The following ARHGEF10L variants were observed in gnomAD, a reference collection of about 807,000 sequenced individuals.
ARHGEF10L encodes the protein Rho guanine nucleotide exchange factor 10 like.
Under a neutral mutation model 141.2 loss-of-function variants are expected in ARHGEF10L, and 69 were observed. The observed-to-expected ratio is 0.49, with a 90% confidence interval of 0.40 to 0.60. The LOEUF is 0.60. Ranked by LOEUF, ARHGEF10L falls within the 20% of genes least tolerant of loss-of-function variation. The pLI is 0.00. For synonymous variants in ARHGEF10L, 711 were observed against 718.5 expected (o/e 0.99, Z 0.17); for missense variants, 1,482 against 1,734.3 (o/e 0.85, Z 2.58).
At chr1:17,561,036 T>G (rs1024676740) in intron 1 of ARHGEF10L, among the ~76,000 whole-genome samples, 5 of 152,200 alleles carry the variant, frequency 3.3e-5, no homozygotes, top group Admixed American at 1.3e-4. Flanking sequence ...CTTGGGCAGG[T>G]GCCTTTGCCT....
Position 17,615,929 on chromosome 1 carries a change from C to T in ARHGEF10L, c.727-165C>T. On this transcript the variant is annotated intron_variant, in intron 8 of 28. Transcript: ENST00000361221. The surrounding 1 kb of genome is among the most constrained non-coding windows in gnomAD (Gnocchi z 4.7). ...AGGGAGATCCCCGGGCATGAACGCACCTTCTCACCCCCACTGTCGTCCTTG... is the reference window on the plus strand; with the variant it reads ...AGGGAGATCCCCGGGCATGAACGCATCTTCTCACCCCCACTGTCGTCCTTG... The T allele has an allele frequency of 1.6e-6, 1 of 628,696 alleles. No homozygotes were observed. Among genetic ancestry groups the T allele is most frequent in the South Asian group, 2.0e-5 (1 of 51,030 alleles). The allele number at this position is 628,696 out of a possible 1,614,324, so 38.9% of individuals were successfully genotyped here. A position where few individuals can be genotyped will look rare whatever the true frequency, so the allele number is the denominator to read the frequency against.
At chr1:17,563,812 T>C (rs1399375175) in intron 1 of ARHGEF10L, among the ~76,000 whole-genome samples, 4 of 152,108 alleles carry the variant, frequency 2.6e-5, no homozygotes, top group Non-Finnish European at 4.4e-5. Context: ...ACCCATCTAT[T>C]AGGATCCTCA....
chr1:17,562,707 C>T (rs985650602), intron 1 of ARHGEF10L, among the ~76,000 whole-genome samples: 3 of 152,188 alleles, frequency 2.0e-5, no homozygotes, highest in African/African-American at 4.8e-5. Context: ...GTGAGCTAGT[C>T]CCTGGTTGTG....
chr1:17,661,235 A>G (rs2062604961), intron 25 of ARHGEF10L, among the ~76,000 whole-genome samples: 1 of 151,784 alleles, frequency 6.6e-6, no homozygotes, highest in African/African-American at 2.4e-5. Context: ...ACACCACCAC[A>G]CCCAGCTAAT....
At chr1:17,531,426 A>G in the ARHGEF10L span, among the ~76,000 whole-genome samples, 1 of 152,152 alleles carries the variant, frequency 6.6e-6, no homozygotes, top group African/African-American at 2.4e-5. Flanking sequence ...TTGGGGGAAG[A>G]CTTGGGTAAG....
intron 27 of ARHGEF10L, among the ~76,000 whole-genome samples, chr1:17,693,623 G>A (rs1219010998): frequency 6.6e-6 from 1 of 152,156 alleles, no homozygotes; most frequent in Non-Finnish European, 1.5e-5. Flanking sequence ...CTCACCAGGT[G>A]GGGGACCTCT....
chr1:17,529,944 T>A, the ARHGEF10L span, among the ~76,000 whole-genome samples: 2 of 149,686 alleles, frequency 1.3e-5, no homozygotes, highest in Non-Finnish European at 3.0e-5. Flanking sequence ...GCAATTCTCC[T>A]GCCTCAGGCT....
intron 26 of ARHGEF10L, among the ~76,000 whole-genome samples, chr1:17,670,888 C>A (rs924764738): frequency 2.2e-4 from 33 of 152,252 alleles, no homozygotes; most frequent in Non-Finnish European, 4.6e-4. Flanking sequence ...CACTGTTCCC[C>A]TCCTGTGTGG....
chr1:17,545,071 C>T lies in ARHGEF10L; in HGVS notation c.-44+5121C>T, dbSNP rs189904537. Among the ~76,000 whole-genome samples, 134 of 152,168 alleles carry T rather than the reference C, an allele frequency of 8.8e-4. 1 individual carries two copies. Among genetic ancestry groups the T allele is most frequent in the African/African-American group, 3.1e-3 (130 of 41,498 alleles). On this transcript the variant is annotated intron_variant, in intron 1 of 28. Coordinates refer to ENST00000361221, the MANE Select transcript of ARHGEF10L (RefSeq NM_018125.4). The stretch of plus-strand genomic sequence containing the variant: ...ATTCAAGATGAGATTTGGGTGGGGA[C>T]GCAGCCAAACCATATCAAGGGGTGT...
At chr1:17,662,831 AG>A (rs1194608520) in intron 25 of ARHGEF10L, among the ~76,000 whole-genome samples, 8 of 152,210 alleles carry the variant, frequency 5.3e-5, no homozygotes, top group Admixed American at 2.6e-4. Flanking sequence ...GCTGGCTCAG[AG>A]GGGAAGGGTC....
At chr1:17,548,547 A>G (rs2076993450) in intron 1 of ARHGEF10L, among the ~76,000 whole-genome samples, 1 of 152,132 alleles carries the variant, frequency 6.6e-6, no homozygotes, top group Non-Finnish European at 1.5e-5. Context: ...TGTCACCTTT[A>G]CAAAGGGAAA....
rs116663121 is a variant in ARHGEF10L, at chr1:17,557,659, G to A, written c.-44+17709G>A. Among the ~76,000 whole-genome samples the A allele has an allele frequency of 9.3e-3, 1,411 of 152,318 alleles. 21 individuals carry two copies. Among genetic ancestry groups the A allele is most frequent in the African/African-American group, 0.033 (1,361 of 41,560 alleles). ...CAGGTCTTTTGTTAATTTATCATTC[G>A]TTCGACAAGTATGTCTCGAGGCCTG... On this transcript the variant is annotated intron_variant, in intron 1 of 28. Transcript: ENST00000361221.
chr1:17,634,623 T>C, intron 17 of ARHGEF10L, 61 bp downstream of exon 17: 2 of 1,598,730 alleles, frequency 1.3e-6, no homozygotes, highest in Non-Finnish European at 1.7e-6. Flanking sequence ...TCTGGTGCCA[T>C]GTGATTCTGG....
In ARHGEF10L at chr1:17,664,555, C is replaced by A; in HGVS notation, c.2969C>A (p.Pro990His). 6.2e-7 allele frequency: 1 copy of A among 1,606,544 alleles called. No individual in the cohort carries two copies. The change falls in exon 26 of 29, where the codon CCC becomes CAC. Residue 990 changes from proline (P) to histidine (H), a missense_variant. Transcript: ENST00000361221. ...LEDAVWASCG[P>H]RVTVLEATTL... ...GATGCCGTGTGGGCCAGCTGTGGGC[C>A]CCGGGTCACTGTCCTGGAAGCCACC...
intron 1 of ARHGEF10L, among the ~76,000 whole-genome samples, chr1:17,561,341 A>G (rs1384247560): frequency 6.6e-6 from 1 of 152,150 alleles, no homozygotes; most frequent in Non-Finnish European, 1.5e-5. Flanking sequence ...GAGATGGGGC[A>G]GAAGCGGGCG....
In ARHGEF10L at chr1:17,697,211, G is replaced by A. The variant is rs528120584; in HGVS notation, c.3671G>A (p.Arg1224Gln). The A allele has an allele frequency of 2.1e-5, 34 of 1,612,058 alleles. No individual in the cohort carries two copies. The South Asian group carries it at 2.3e-4, about 11-fold the overall frequency. ...ADDPDIWVRS[R>Q]PCARDAHRKE... is the part of the protein sequence containing the mutation. ...GACCCCGACATCTGGGTGCGCAGCC[G>A]GCCCTGCGCCCGCGACGCCCACCGC... Residue 1224 changes from arginine (R) to glutamine (Q), a missense_variant, in exon 29 of 29, where the codon CGG becomes CAG. Coordinates refer to ENST00000361221, the MANE Select transcript of ARHGEF10L (RefSeq NM_018125.4). This position sits in a 1 kb window ranked among gnomAD's most constrained non-coding sequence, Gnocchi z 4.8.
chr1:17,674,400 C>G (rs985330128), intron 26 of ARHGEF10L, among the ~76,000 whole-genome samples: 31 of 152,230 alleles, frequency 2.0e-4, no homozygotes, highest in African/African-American at 7.2e-4. Context: ...AGTGACAGCA[C>G]AGGTCCTGCA....
At chr1:17,556,281 G>C (rs1341380815) in intron 1 of ARHGEF10L, among the ~76,000 whole-genome samples, 1 of 102,488 alleles carries the variant, frequency 9.8e-6, no homozygotes, top group South Asian at 3.6e-4. Context: ...GCGGGGGGGG[G>C]GCCTGGGAGC....
At position 17,639,821 on chromosome 1, in the gene ARHGEF10L, C is replaced by A; in HGVS notation, c.2172-381C>A. 7.5e-7 allele frequency: 1 copy of A among 1,326,984 alleles called. No homozygotes were observed. Among genetic ancestry groups the A allele is most frequent in the Non-Finnish European group, 9.9e-7 (1 of 1,013,600 alleles). 82.2% of individuals were successfully genotyped at this position (1,326,984 alleles called of 1,614,324 possible). On this transcript the variant is annotated intron_variant, in intron 20 of 28. Coordinates refer to ENST00000361221, the MANE Select transcript of ARHGEF10L (RefSeq NM_018125.4). This position sits in a 1 kb window ranked among gnomAD's most constrained non-coding sequence, Gnocchi z 4.3. ...GGAACAGACCCAAGTGAGACCCATT[C>A]CTCCCTCTAGAGGCACGTGGTCAGA...
Sources: gnomAD v4.1 joint callset for allele counts (sites outside exome capture counted in the v4.1 genomes callset) on GRCh38, gnomAD v4.1.1 for gene constraint, Gnocchi (gnomAD v3.1) non-coding constraint, MANE v1.5 for transcripts, NCBI Gene and HGNC (gene_info 2026-07-23, HGNC 2026-07-21) for gene names.